PFKFB3: variants seen among roughly 807,000 people sequenced by gnomAD.
The protein encoded by PFKFB3 is 6-phosphofructo-2-kinase/fructose-2,6-bisphosphatase 3.
PFKFB3 carries 33 observed loss-of-function variants against 68.0 expected under a neutral mutation model. That is an observed-to-expected ratio of 0.49 (90% confidence interval 0.37 to 0.65). The LOEUF is 0.65. Among genes scored for constraint, PFKFB3 ranks in the 30% least tolerant of loss-of-function variants. The pLI, the probability that PFKFB3 is intolerant of heterozygous loss-of-function variation, is 0.00. For synonymous variants in PFKFB3, 315 were observed against 288.2 expected (o/e 1.09, Z -0.94); for missense variants, 586 against 712.2 (o/e 0.82, Z 2.02).
chr10:6,178,625 C>T (rs1253519037), intron 1 of PFKFB3, among the ~76,000 whole-genome samples: 1 of 152,178 alleles, frequency 6.6e-6, no homozygotes, highest in Non-Finnish European at 1.5e-5. Context: ...GGTGCCTGCC[C>T]TGGGCCGTGG....
intron 1 of PFKFB3, among the ~76,000 whole-genome samples, chr10:6,180,015 C>G (rs574244018): frequency 6.6e-6 from 1 of 151,998 alleles, no homozygotes; most frequent in East Asian, 1.9e-4. Context: ...TTGCTGGACT[C>G]GCAGCATTTA....
intron 1 of PFKFB3, among the ~76,000 whole-genome samples, chr10:6,210,346 GTTTTTTTTTGTTTTTTTGTT>G (rs1844092306): frequency 6.1e-5 from 2 of 32,804 alleles, no homozygotes; most frequent in African/African-American, 1.2e-4. Flanking sequence ...GTTTTTTTTT[GTTTTTTTTTGTTTTTTTGTT>G]TTTTTTTTTT....
At chr10:6,197,334 C>T (rs916764317) in intron 1 of PFKFB3, among the ~76,000 whole-genome samples, 4 of 152,142 alleles carry the variant, frequency 2.6e-5, no homozygotes, top group African/African-American at 9.7e-5. Context: ...TTACAGTTGC[C>T]TACAGTATTC....
intron 1 of PFKFB3, among the ~76,000 whole-genome samples, chr10:6,151,557 G>A (rs952817004): frequency 6.6e-6 from 1 of 152,082 alleles, no homozygotes; most frequent in African/African-American, 2.4e-5. Context: ...GGTGGAGTTG[G>A]TCTGCTGTCG....
At chr10:6,254,964 C>T (rs571291994), downstream of PFKFB3, among the ~76,000 whole-genome samples, 7 of 151,280 alleles carry the variant, frequency 4.6e-5, no homozygotes, top group South Asian at 6.3e-4. Context: ...ATTACAGGCA[C>T]GTGCCACCAT....
Position 6,215,094 on chromosome 10 carries a change from A to T in PFKFB3, c.203-127A>T. 1 of 739,130 alleles carries T rather than the reference A, an allele frequency of 1.4e-6. No homozygotes were observed. Among genetic ancestry groups the T allele is most frequent in the Non-Finnish European group, 2.3e-6 (1 of 428,738 alleles). 45.8% of individuals were successfully genotyped at this position (739,130 alleles called of 1,614,324 possible). ...AGGACTGGGCGCCGGCATTGCTTCC[A>T]CACCATCTCATTCAAGTCGGTGTGG... On this transcript the variant is annotated intron_variant, in intron 2 of 14. Coordinates refer to ENST00000379775, the MANE Select transcript of PFKFB3 (RefSeq NM_004566.4). This position sits in a 1 kb window ranked among gnomAD's most constrained non-coding sequence, Gnocchi z 4.3.
intron 1 of PFKFB3, among the ~76,000 whole-genome samples, chr10:6,186,997 C>T (rs79604995): frequency 5.9e-5 from 9 of 151,980 alleles, no homozygotes; most frequent in East Asian, 3.9e-4. Context: ...GGAGGTGTGC[C>T]GCCACGACTG....
chr10:6,248,666 A>G (rs937326479), intron 14 of PFKFB3, among the ~76,000 whole-genome samples: 1 of 149,822 alleles, frequency 6.7e-6, no homozygotes, highest in Non-Finnish European at 1.5e-5. Flanking sequence ...AGGGGATCTG[A>G]ATAGATGTTT....
At position 6,229,239 on chromosome 10, in the gene PFKFB3, G is replaced by A. The variant is rs1246158569; in HGVS notation, c.1515+2874G>A. On this transcript the variant is annotated intron_variant, in intron 14 of 14. Transcript: ENST00000379775. The surrounding 1 kb of genome is among the most constrained non-coding windows in gnomAD (Gnocchi z 4.3). ...GGGTGAAGGGCCAGAGGATGTACCA[G>A]TGTCCTCCATGTCCACGTTCCTTAA... The A allele has an allele frequency of 4.2e-6, 2 of 481,916 alleles. No individual in the cohort carries two copies. Among genetic ancestry groups the A allele is most frequent in the Non-Finnish European group, 8.6e-6 (2 of 232,558 alleles). 29.9% of individuals were successfully genotyped at this position (481,916 alleles called of 1,614,324 possible). A position where few individuals can be genotyped will look rare whatever the true frequency, so the allele number is the denominator to read the frequency against.
intron 1 of PFKFB3, among the ~76,000 whole-genome samples, chr10:6,207,489 G>C (rs1250799204): frequency 1.3e-5 from 2 of 152,150 alleles, no homozygotes; most frequent in Non-Finnish European, 2.9e-5. Flanking sequence ...ATGGGGTCTT[G>C]CTATGTTGCT....
At chr10:6,253,886 A>G (rs569484520) in intron 14 of PFKFB3, among the ~76,000 whole-genome samples, 3 of 152,188 alleles carry the variant, frequency 2.0e-5, no homozygotes, top group African/African-American at 7.2e-5. Flanking sequence ...ACTAAAAAAT[A>G]TACAAAAATT....
At chr10:6,230,522 G>A (rs999738023) in intron 14 of PFKFB3, among the ~76,000 whole-genome samples, 1 of 152,286 alleles carries the variant, frequency 6.6e-6, no homozygotes, top group African/African-American at 2.4e-5. Context: ...CCTAGGAAGT[G>A]CGTGGGGGAT....
At chr10:6,277,374 A>T in the PFKFB3 span, among the ~76,000 whole-genome samples, 97 of 149,766 alleles carry the variant, frequency 6.5e-4, no homozygotes, top group African/African-American at 2.3e-3. Flanking sequence ...GTGCACACCA[A>T]CACGCCCAGC....
In PFKFB3 at chr10:6,191,271, C is replaced by T. The variant is rs551968715; in HGVS notation, c.17-22352C>T. Reference sequence around the variant, plus strand: ...AGAAATTGAAACAGAACTATTTCTACTTAGGGTGTGAACCCCATATCACAC... The same window carrying T: ...AGAAATTGAAACAGAACTATTTCTATTTAGGGTGTGAACCCCATATCACAC... On this transcript the variant is annotated intron_variant, in intron 1 of 14. Transcript: ENST00000379789. 7.9e-5 allele frequency among the ~76,000 whole-genome samples: 12 copies of T among 152,328 alleles called. No homozygotes were observed. The East Asian group carries it at 2.1e-3, about 27-fold the overall frequency.
At chr10:6,281,164 A>ATC in the PFKFB3 span, among the ~76,000 whole-genome samples, 178 of 22,156 alleles carry the variant, frequency 8.0e-3, 44 homozygotes, top group Non-Finnish European at 0.054. Flanking sequence ...TTAGTATTCC[A>ATC]TCATATATAT....
chr10:6,146,517 C>T (rs1161696126), intron 1 of PFKFB3: 2 of 1,532,200 alleles, frequency 1.3e-6, no homozygotes, highest in Admixed American at 2.0e-5. Flanking sequence ...GCCACCTTGA[C>T]TCTGTGGGTT....
rs1398340440 is a variant in PFKFB3 at position 6,234,661 on chromosome 10, A to C, written c.*1719A>C. On this transcript the variant is annotated 3_prime_UTR_variant, in exon 15 of 15. Transcript: ENST00000379775. ...ATATGTGGGTAGGGGGTGGACGTGCACGGGTGCATGATTGTGCTTAACTTG... is the reference window on the plus strand; with the variant it reads ...ATATGTGGGTAGGGGGTGGACGTGCCCGGGTGCATGATTGTGCTTAACTTG... The C allele has an allele frequency of 1.3e-5, 2 of 152,270 alleles. No individual in the cohort carries two copies. Among genetic ancestry groups the C allele is most frequent in the African/African-American group, 4.8e-5 (2 of 41,422 alleles). 9.4% of individuals were successfully genotyped at this position (152,270 alleles called of 1,614,324 possible).
intron 1 of PFKFB3, among the ~76,000 whole-genome samples, chr10:6,204,125 G>GCCGCCC (rs947687680): frequency 1.3e-5 from 2 of 152,254 alleles, no homozygotes; most frequent in Non-Finnish European, 2.9e-5. Context: ...CCCGCCGGTC[G>GCCGCCC]CCGCCCCCGC....
intron 1 of PFKFB3, among the ~76,000 whole-genome samples, chr10:6,191,628 C>T (rs994219958): frequency 1.1e-4 from 17 of 152,314 alleles, no homozygotes; most frequent in African/African-American, 4.1e-4. Flanking sequence ...CAGAAGCCAG[C>T]GAGTTTGAGT....
Sources: gnomAD v4.1 joint callset for allele counts (sites outside exome capture counted in the v4.1 genomes callset) on GRCh38, gnomAD v4.1.1 for gene constraint, Gnocchi (gnomAD v3.1) non-coding constraint, MANE v1.5 for transcripts, NCBI Gene and HGNC (gene_info 2026-07-23, HGNC 2026-07-21) for gene names.